The following CFAP299 variants were observed in gnomAD, a reference collection of about 807,000 sequenced individuals.
CFAP299 encodes cilia and flagella associated protein 299.
Under a neutral mutation model 27.0 loss-of-function variants are expected in CFAP299, and 21 were observed. That is an observed-to-expected ratio of 0.78 (90% CI 0.55 to 1.12). The LOEUF is 1.12. Ranked by LOEUF, CFAP299 falls within the 50% of genes most tolerant of loss-of-function variation. The pLI is 0.00. For missense variants in CFAP299, 310 were observed against 276.6 expected, an observed-to-expected ratio of 1.12 and a Z score of -0.86; for synonymous variants, 104 against 98.1, an observed-to-expected ratio of 1.06 and a Z score of -0.36.
rs979393132 is a variant in CFAP299, at chr4:80,934,621, G to T, written c.477-10189G>T. 3.3e-5 allele frequency among the ~76,000 whole-genome samples: 5 copies of T among 151,164 alleles called. No individual in the cohort carries two copies. The East Asian group carries it at 5.8e-4, about 18-fold the overall frequency. On this transcript the variant is annotated intron_variant, in intron 4 of 5. Transcript: ENST00000358105. Reference sequence around the variant, plus strand: ...TTCTCTTTTTTCAAGATTCAATCTTGTTAGGTTGGATGGTTCCAGGAATGT... The same window carrying T: ...TTCTCTTTTTTCAAGATTCAATCTTTTTAGGTTGGATGGTTCCAGGAATGT...
At chr4:80,535,480 G>A in intron 2 of CFAP299, among the ~76,000 whole-genome samples, 1 of 56,824 alleles carries the variant, frequency 1.8e-5, no homozygotes, top group Non-Finnish European at 2.7e-5. Flanking sequence ...GGGCGACAGA[G>A]CGAGACTCCG....
intron 2 of CFAP299, among the ~76,000 whole-genome samples, chr4:80,553,685 A>G (rs577283896): frequency 6.6e-6 from 1 of 152,272 alleles, no homozygotes; most frequent in East Asian, 1.9e-4. Context: ...CTTTTTAATC[A>G]TAGTCATTTT....
intron 3 of CFAP299, among the ~76,000 whole-genome samples, chr4:80,646,040 C>G (rs1739994340): frequency 1.3e-5 from 2 of 152,138 alleles, no homozygotes; most frequent in South Asian, 4.1e-4. Context: ...TAAGACTTAG[C>G]TTTTAACACA....
intron 2 of CFAP299, among the ~76,000 whole-genome samples, chr4:80,558,558 C>T (rs6847176): frequency 0.023 from 3,457 of 151,772 alleles, 138 homozygotes; most frequent in African/African-American, 0.079. Context: ...TAACTCTTGA[C>T]TCAGAATAGT....
chr4:80,374,793 CTT>C (rs1473676112), intron 2 of CFAP299, among the ~76,000 whole-genome samples: 4 of 152,072 alleles, frequency 2.6e-5, no homozygotes, highest in African/African-American at 9.7e-5. Context: ...CCTCTTGAGA[CTT>C]TGAATACCTG....
intron 2 of CFAP299, among the ~76,000 whole-genome samples, chr4:80,451,770 C>G (rs1213212330): frequency 6.6e-6 from 1 of 152,154 alleles, no homozygotes; most frequent in Non-Finnish European, 1.5e-5. Context: ...ACACATTACT[C>G]TAAACAAACT....
intron 3 of CFAP299, among the ~76,000 whole-genome samples, chr4:80,765,522 T>C (rs971886701): frequency 6.6e-6 from 1 of 151,964 alleles, no homozygotes; most frequent in Non-Finnish European, 1.5e-5. Context: ...AAAATTTGAT[T>C]GAGAATCTAA....
chr4:80,539,320 A>T (rs1733892893), intron 2 of CFAP299, among the ~76,000 whole-genome samples: 1 of 152,156 alleles, frequency 6.6e-6, no homozygotes, highest in African/African-American at 2.4e-5. Flanking sequence ...ATTTCCCAGG[A>T]GAAGGGGACA....
At chr4:80,434,890 G>T (rs1393623248) in intron 2 of CFAP299, among the ~76,000 whole-genome samples, 1 of 152,190 alleles carries the variant, frequency 6.6e-6, no homozygotes, top group Non-Finnish European at 1.5e-5. Flanking sequence ...CACTCCACAA[G>T]CTGAGACCAA....
At chr4:80,388,297 G>A (rs1725131018) in intron 2 of CFAP299, 3 of 695,152 alleles carry the variant, frequency 4.3e-6, no homozygotes, top group Non-Finnish European at 5.4e-6. Context: ...TGGCAGACAT[G>A]AGCAAGTCAT....
chr4:80,532,991 T>A (rs1240281099), intron 2 of CFAP299, among the ~76,000 whole-genome samples: 1 of 152,144 alleles, frequency 6.6e-6, no homozygotes, highest in African/African-American at 2.4e-5. Context: ...ACTAAAAACA[T>A]CTTGATAATT....
At chr4:80,575,268 T>C (rs961617044) in intron 2 of CFAP299, among the ~76,000 whole-genome samples, 2 of 152,098 alleles carry the variant, frequency 1.3e-5, no homozygotes, top group Non-Finnish European at 2.9e-5. Flanking sequence ...CATAGTAGCC[T>C]CTAATAATCC....
intron 3 of CFAP299, among the ~76,000 whole-genome samples, chr4:80,608,014 G>A (rs1737766665): frequency 1.3e-5 from 2 of 152,088 alleles, no homozygotes; most frequent in South Asian, 4.1e-4. Flanking sequence ...GTGTAGTGGA[G>A]ACATTTAGAA....
chr4:80,364,106 A>C (rs868718596), intron 2 of CFAP299, among the ~76,000 whole-genome samples: 1 of 141,248 alleles, frequency 7.1e-6, no homozygotes, highest in African/African-American at 3.2e-5. Context: ...ACACACACAC[A>C]CACACACACA....
chr4:80,325,031 G>A, the CFAP299 span, among the ~76,000 whole-genome samples: 1 of 152,364 alleles, frequency 6.6e-6, no homozygotes, highest in Non-Finnish European at 1.5e-5. Flanking sequence ...GCTGAGGCAG[G>A]AGAATCACTT....
At chr4:80,688,200 G>A (rs979896076) in intron 3 of CFAP299, among the ~76,000 whole-genome samples, 1 of 152,228 alleles carries the variant, frequency 6.6e-6, no homozygotes, top group Admixed American at 6.5e-5. Context: ...AGCTCAAGGA[G>A]GCCTGCCTGC....
chr4:80,831,331 A>G (rs930499696), intron 3 of CFAP299, among the ~76,000 whole-genome samples: 12 of 152,252 alleles, frequency 7.9e-5, no homozygotes, highest in African/African-American at 2.6e-4. Flanking sequence ...AGTTAATTCT[A>G]TTATCAGTGT....
rs1476477387 is a variant in CFAP299 at position 80,573,891 on chromosome 4, G to C, written c.243-9202G>C. Among the ~76,000 whole-genome samples the C allele has an allele frequency of 2.0e-5, 3 of 152,202 alleles. No homozygotes were observed. The East Asian group carries it at 5.8e-4, about 29-fold the overall frequency. ...ATAGTATAATTTGAAGTCAGGTAAA[G>C]TGATTCATCTAGTTGTGTTCCTTTT... is the stretch of plus-strand genomic sequence containing the variant. On this transcript the variant is annotated intron_variant, in intron 2 of 5. Coordinates refer to ENST00000358105, the MANE Select transcript of CFAP299 (RefSeq NM_152770.3).
At chr4:80,390,772 TATATAC>T (rs1279065171) in intron 2 of CFAP299, among the ~76,000 whole-genome samples, 2 of 145,520 alleles carry the variant, frequency 1.4e-5, no homozygotes, top group African/African-American at 2.5e-5. Flanking sequence ...TATATATGTA[TATATAC>T]ATATACACAT....
Sources: gnomAD v4.1 joint callset for allele counts (sites outside exome capture counted in the v4.1 genomes callset) on GRCh38, gnomAD v4.1.1 for gene constraint, MANE v1.5 for transcripts, NCBI Gene and HGNC (gene_info 2026-07-23, HGNC 2026-07-21) for gene names.